Variants in GHR observed in about 807,000 individuals in gnomAD.
GHR encodes growth hormone receptor, also known as GH receptor.
In GHR, 35 loss-of-function variants were observed where a neutral mutation model predicts 67.1. The ratio of observed to expected loss-of-function variants is 0.52; its 90% CI spans 0.40 to 0.69. The LOEUF is 0.69. Among genes scored for constraint, GHR ranks in the 30% least tolerant of loss-of-function variants. GHR has a pLI of 0.00. For missense variants in GHR, 792 were observed against 764.6 expected (o/e 1.04, Z -0.42); for synonymous variants, 272 against 269.1 (o/e 1.01, Z -0.10).
At chr5:42,610,633 G>A (rs150432294) in intron 2 of GHR, among the ~76,000 whole-genome samples, 24 of 151,342 alleles carry the variant, frequency 1.6e-4, no homozygotes, top group Non-Finnish European at 3.2e-4. Flanking sequence ...GGCTGGAAGA[G>A]ATGACCACTG....
Position 42,498,991 on chromosome 5 carries a change from T to TC in GHR, c.-11-66873_-11-66872insC, listed in dbSNP as rs1746430346. 1.3e-5 allele frequency among the ~76,000 whole-genome samples: 2 copies of TC among 152,222 alleles called. 1 individual carries two copies. Among genetic ancestry groups the TC allele is most frequent in the South Asian group, 4.1e-4 (2 of 4,826 alleles). On this transcript the variant is annotated intron_variant, in intron 1 of 9. Transcript: ENST00000230882. ...GATGAACTTGATAGAATAAAGATTA[T>TC]TGTTGTTCTCTAATCTCCTGGGTAT...
At chr5:42,529,551 G>T (rs1485871466) in intron 1 of GHR, among the ~76,000 whole-genome samples, 2 of 152,194 alleles carry the variant, frequency 1.3e-5, no homozygotes, top group South Asian at 4.1e-4. Flanking sequence ...CTACAACTAC[G>T]CAGATGTCTG....
At chr5:42,690,505 A>AATTATG (rs1354447167) in intron 4 of GHR, among the ~76,000 whole-genome samples, 2 of 152,216 alleles carry the variant, frequency 1.3e-5, no homozygotes, top group Non-Finnish European at 1.5e-5. Context: ...ATTTTAAAAT[A>AATTATG]ATTATGATAT....
chr5:42,509,937 T>C (rs566076126), intron 1 of GHR, among the ~76,000 whole-genome samples: 1 of 152,328 alleles, frequency 6.6e-6, no homozygotes, highest in Admixed American at 6.5e-5. Context: ...GTCTGTACAA[T>C]AAAAACTTGA....
chr5:42,515,640 C>T (rs960627173), intron 1 of GHR, among the ~76,000 whole-genome samples: 1 of 152,214 alleles, frequency 6.6e-6, no homozygotes, highest in African/African-American at 2.4e-5. Flanking sequence ...GAAAATCATT[C>T]TTGAATTAAC....
chr5:42,596,025 G>C (rs1248304252), intron 2 of GHR, among the ~76,000 whole-genome samples: 1 of 152,182 alleles, frequency 6.6e-6, no homozygotes, highest in African/African-American at 2.4e-5. Flanking sequence ...AAAATATGAA[G>C]TCTGAGAGAT....
intron 1 of GHR, chr5:42,465,870 C>T (rs1055840982): frequency 6.9e-6 from 5 of 727,724 alleles, no homozygotes; most frequent in Non-Finnish European, 1.3e-5. Context: ...GAAAATTCGC[C>T]TCCTTCACCC....
intron 1 of GHR, chr5:42,565,618 A>T: frequency 7.1e-6 from 7 of 985,316 alleles, no homozygotes; most frequent in Non-Finnish European, 8.4e-6. Flanking sequence ...GGGTATGAAC[A>T]TCTCTAGTGT....
chr5:42,430,475 T>C (rs1385371860), intron 1 of GHR, among the ~76,000 whole-genome samples: 1 of 152,028 alleles, frequency 6.6e-6, no homozygotes, highest in African/African-American at 2.4e-5. Context: ...GGTGGGAGGA[T>C]GAGAGAGAAA....
At chr5:42,513,963 G>A (rs1032179678) in intron 1 of GHR, 10 of 221,306 alleles carry the variant, frequency 4.5e-5, no homozygotes, top group African/African-American at 2.1e-4. Context: ...ACATTAATGG[G>A]TTAAATATAA....
intron 3 of GHR, among the ~76,000 whole-genome samples, chr5:42,659,532 G>A (rs1202085482): frequency 6.6e-6 from 1 of 152,170 alleles, no homozygotes; most frequent in African/African-American, 2.4e-5. Context: ...ATGGATGTTA[G>A]CACTATGCCA....
intron 1 of GHR, among the ~76,000 whole-genome samples, chr5:42,491,673 A>G (rs1487960937): frequency 2.0e-5 from 3 of 152,216 alleles, no homozygotes; most frequent in East Asian, 1.9e-4. Context: ...TATACATTCT[A>G]TGAAACAGAA....
chr5:42,580,698 C>T (rs192108564), intron 2 of GHR, among the ~76,000 whole-genome samples: 8 of 152,308 alleles, frequency 5.3e-5, no homozygotes, highest in African/African-American at 1.7e-4. Context: ...GACCAAGACA[C>T]ACAACCTCCT....
At chr5:42,675,467 G>A (rs1756525593) in intron 3 of GHR, among the ~76,000 whole-genome samples, 2 of 152,118 alleles carry the variant, frequency 1.3e-5, no homozygotes, top group Admixed American at 6.6e-5. Context: ...TTTTAAATAA[G>A]ACAGAGGAGT....
chr5:42,474,350 GA>G, intron 1 of GHR, among the ~76,000 whole-genome samples: 1 of 143,662 alleles, frequency 7.0e-6, no homozygotes, highest in East Asian at 2.1e-4. Context: ...AAGAAATAAA[GA>G]AAGAAAGCAA....
intron 1 of GHR, among the ~76,000 whole-genome samples, chr5:42,471,263 C>T (rs2112101138): frequency 6.6e-6 from 1 of 152,184 alleles, no homozygotes; most frequent in Non-Finnish European, 1.5e-5. Context: ...TAAATAATTC[C>T]AACAGTTGTG....
At chr5:42,540,943 G>GTTTT (rs58109462) in intron 1 of GHR, among the ~76,000 whole-genome samples, 1 of 139,916 alleles carries the variant, frequency 7.1e-6, no homozygotes, top group Non-Finnish European at 1.5e-5. Flanking sequence ...TATTTTCCTT[G>GTTTT]TTTTTTTTTT....
At chr5:42,590,349 G>C (rs1035167130) in intron 2 of GHR, among the ~76,000 whole-genome samples, 1 of 152,150 alleles carries the variant, frequency 6.6e-6, no homozygotes, top group Non-Finnish European at 1.5e-5. Flanking sequence ...AAAATCAGGA[G>C]GGAAGGAGAA....
intron 3 of GHR, among the ~76,000 whole-genome samples, chr5:42,678,448 C>T (rs557739913): frequency 1.1e-4 from 17 of 152,260 alleles, no homozygotes; most frequent in African/African-American, 4.1e-4. Flanking sequence ...CAGTCTCTCC[C>T]AGCAGCCCTG....
Sources: gnomAD v4.1 joint callset for allele counts (sites outside exome capture counted in the v4.1 genomes callset) on GRCh38, gnomAD v4.1.1 for gene constraint, MANE v1.5 for transcripts, NCBI Gene and HGNC (gene_info 2026-07-23, HGNC 2026-07-21) for gene names.